Variants in RAPGEF1 observed in about 807,000 individuals in gnomAD.
The protein encoded by RAPGEF1 is CRK SH3-binding GNRP.
In RAPGEF1, 33 loss-of-function variants were observed where a neutral mutation model predicts 143.3. That is an observed-to-expected ratio of 0.23 (90% CI 0.17 to 0.31). The LOEUF is 0.31. Among genes scored for constraint, RAPGEF1 ranks in the 10% least tolerant of loss-of-function variants. The pLI is 1.00. For missense variants in RAPGEF1, 1,199 were observed against 1,645.4 expected (o/e 0.73, Z 4.69); for synonymous variants, 629 against 676.5 (o/e 0.93, Z 1.09).
intron 1 of RAPGEF1, among the ~76,000 whole-genome samples, chr9:131,668,741 G>A (rs1326697229): frequency 6.6e-6 from 1 of 152,194 alleles, no homozygotes; most frequent in Non-Finnish European, 1.5e-5. Flanking sequence ...ATGTGAATTA[G>A]TCATTTCTCA....
chr9:131,691,891 AT>A (rs1833807519), intron 1 of RAPGEF1, among the ~76,000 whole-genome samples: 1 of 152,168 alleles, frequency 6.6e-6, no homozygotes, highest in South Asian at 2.1e-4. Context: ...TTTTCCTTAT[AT>A]TAGCTTTCAG....
At chr9:131,630,167 T>G (rs1964448909) in intron 6 of RAPGEF1, 69 bp downstream of exon 6, 879 of 1,193,398 alleles carry the variant, frequency 7.4e-4, no homozygotes, top group Non-Finnish European at 9.9e-4. Context: ...CACCGGGCCC[T>G]ATCCTTGTCA....
rs745815815 is a variant in RAPGEF1 at position 131,580,398 on chromosome 9, G to A, written c.3513-7C>T. On this transcript the variant is annotated splice_polypyrimidine_tract_variant and splice_region_variant and intron_variant, in intron 25 of 26. Transcript: ENST00000683357. ...GTCCTGCAGGATCAGCCCCCTGGGA[G>A]GACGGGTTAGGCAGCCTGTTACTGC... 6.2e-7 allele frequency: 1 copy of A among 1,612,598 alleles called. No individual in the cohort carries two copies.
intron 12 of RAPGEF1, 95 bp downstream of exon 12, chr9:131,618,956 G>A (rs958381304): frequency 1.4e-5 from 16 of 1,134,192 alleles, no homozygotes; most frequent in Non-Finnish European, 1.5e-5. Context: ...GGCAGGGGCC[G>A]CGACGGGCAG....
At position 131,739,957 on chromosome 9, in the gene RAPGEF1, G is replaced by T; in HGVS notation, c.-127C>A. ...TCCGCGCGGCCGCGGCCCTGCGCTC[G>T]GCGACCGCGCTCCAGCCCGCCCGGG... On this transcript the variant is annotated 5_prime_UTR_variant, in exon 1 of 27. Coordinates refer to ENST00000683357, the MANE Select transcript of RAPGEF1 (RefSeq NM_001377935.1). The T allele has an allele frequency of 2.3e-6, 1 of 442,964 alleles. No homozygotes were observed. The highest frequency in any genetic ancestry group is 3.0e-6 in the Non-Finnish European group (1 of 337,964). The allele number at this position is 442,964 out of a possible 1,614,324, so 27.4% of individuals were successfully genotyped here. A position where few individuals can be genotyped will look rare whatever the true frequency, so the allele number is the denominator to read the frequency against.
At chr9:131,706,305 C>G (rs959696687) in intron 1 of RAPGEF1, among the ~76,000 whole-genome samples, 10 of 152,020 alleles carry the variant, frequency 6.6e-5, no homozygotes, top group Non-Finnish European at 1.0e-4. Flanking sequence ...CTCTGTCACC[C>G]AGGCTGGAGT....
chr9:131,727,865 T>C (rs899143404), intron 1 of RAPGEF1, among the ~76,000 whole-genome samples: 1 of 152,226 alleles, frequency 6.6e-6, no homozygotes, highest in Non-Finnish European at 1.5e-5. Flanking sequence ...TCTATGCCTT[T>C]GGTCTTCTGA....
At position 131,587,750 on chromosome 9, in the gene RAPGEF1, G is replaced by A; in HGVS notation, c.3219C>T (p.Asn1073=). ...PNLTQFTEHF[N]NMSYWVRSII... Reference sequence around the variant, plus strand: ...GCCTCTCTTACCAGTAGGACATGTTGTTGAAGTGCTCCGTGAACTGGGTCA... The same window carrying A: ...GCCTCTCTTACCAGTAGGACATGTTATTGAAGTGCTCCGTGAACTGGGTCA... Residue 1073 remains asparagine, a synonymous_variant, in exon 22 of 27, where the codon AAC becomes AAT. Transcript: ENST00000683357. 1 of 1,613,492 alleles carries A rather than the reference G, an allele frequency of 6.2e-7. No individual in the cohort carries two copies. The highest frequency in any genetic ancestry group is 8.5e-7 in the Non-Finnish European group (1 of 1,179,696).
intron 1 of RAPGEF1, among the ~76,000 whole-genome samples, chr9:131,703,138 A>T (rs549155630): frequency 6.6e-6 from 1 of 152,184 alleles, no homozygotes; most frequent in Non-Finnish European, 1.5e-5. Context: ...ATGCCACTGC[A>T]TGCGTGCCAC....
rs1972352335 is a variant in RAPGEF1, at chr9:131,655,905, G to T, written c.62-4956C>A. Among the ~76,000 whole-genome samples the T allele has an allele frequency of 6.6e-6, 1 of 151,694 alleles. No homozygotes were observed. The highest frequency in any genetic ancestry group is 1.5e-5 in the Non-Finnish European group (1 of 67,920). The stretch of plus-strand genomic sequence containing the variant: ...CCCGGCCAAAAAATTTTCTAAAAGG[G>T]GGGTGTGCACTGGAGTCAGAATGTT... On this transcript the variant is annotated intron_variant, in intron 1 of 26. Coordinates refer to ENST00000683357, the MANE Select transcript of RAPGEF1 (RefSeq NM_001377935.1). This position sits in a 1 kb window ranked among gnomAD's most constrained non-coding sequence, Gnocchi z 4.1.
intron 1 of RAPGEF1, among the ~76,000 whole-genome samples, chr9:131,674,820 C>T (rs1832023759): frequency 6.6e-6 from 1 of 152,190 alleles, no homozygotes; most frequent in Admixed American, 6.5e-5. Flanking sequence ...GAACAAGAAA[C>T]CCTGTGGAGG....
chr9:131,665,059 C>T (rs1327937195), intron 1 of RAPGEF1, among the ~76,000 whole-genome samples: 1 of 152,142 alleles, frequency 6.6e-6, no homozygotes, highest in African/African-American at 2.4e-5. Flanking sequence ...GAGCTGTCGG[C>T]ATATACACAG....
At chr9:131,625,495 A>G (rs1427091750) in intron 10 of RAPGEF1, among the ~76,000 whole-genome samples, 1 of 152,144 alleles carries the variant, frequency 6.6e-6, no homozygotes, top group East Asian at 1.9e-4. Context: ...TGCTCTAGAC[A>G]GGGATCCTTA....
chr9:131,736,004 C>T lies in RAPGEF1; in HGVS notation c.61+3766G>A, dbSNP rs567964817. 4.6e-5 allele frequency among the ~76,000 whole-genome samples: 7 copies of T among 152,270 alleles called. No individual in the cohort carries two copies. The East Asian group carries it at 1.2e-3, about 25-fold the overall frequency. On this transcript the variant is annotated intron_variant, in intron 1 of 26. Coordinates refer to ENST00000683357, the MANE Select transcript of RAPGEF1 (RefSeq NM_001377935.1). ...CTGTGCTTAAGCTCCAAAAACATGA[C>T]GGTATCAACTCTCCTCGCTCAATGT...
Position 131,592,201 on chromosome 9 carries a change from T to C in RAPGEF1, c.2690-18A>G, listed in dbSNP as rs763533796. ...CACCAAATCTAGAGGGAAAAAACAA[T>C]GCAAACTGCTTGTCTGGGTGCAGAG... On this transcript the variant is annotated intron_variant, in intron 17 of 26. Transcript: ENST00000683357. 1.3e-6 allele frequency: 2 copies of C among 1,567,668 alleles called. No homozygotes were observed. Among genetic ancestry groups the C allele is most frequent in the Non-Finnish European group, 8.8e-7 (1 of 1,138,778 alleles).
chr9:131,578,884 GGCT>G lies in RAPGEF1; in HGVS notation c.*610_*612del, dbSNP rs1951471403. The G allele has an allele frequency of 1.3e-5, 2 of 152,578 alleles. No homozygotes were observed. Among genetic ancestry groups the G allele is most frequent in the Admixed American group, 6.5e-5 (1 of 15,306 alleles). The allele number at this position is 152,578 out of a possible 1,614,324, so 9.5% of individuals were successfully genotyped here. Reference sequence around the variant, plus strand: ...CCGCGGGGCAGAGCACCAGCTGCGGGGCTGCTAAGGCGTCACCTGCGTACCTTT... The same window carrying G: ...CCGCGGGGCAGAGCACCAGCTGCGGGGCTAAGGCGTCACCTGCGTACCTTT... On this transcript the variant is annotated 3_prime_UTR_variant, in exon 27 of 27. Coordinates refer to ENST00000683357, the MANE Select transcript of RAPGEF1 (RefSeq NM_001377935.1).
chr9:131,665,700 G>A (rs1039617820), intron 1 of RAPGEF1, among the ~76,000 whole-genome samples: 16 of 151,996 alleles, frequency 1.1e-4, no homozygotes, highest in African/African-American at 2.7e-4. Context: ...CCTGTTCTCC[G>A]ATGTCCCCCA....
chr9:131,665,977 G>C (rs1830363695), intron 1 of RAPGEF1, among the ~76,000 whole-genome samples: 1 of 152,104 alleles, frequency 6.6e-6, no homozygotes, highest in South Asian at 2.1e-4. Context: ...CATTCATTTT[G>C]GAATCTGGCA....
rs1409066253 is a variant in RAPGEF1 at position 131,675,423 on chromosome 9, T to C, written c.62-24474A>G. On this transcript the variant is annotated intron_variant, in intron 1 of 26. Coordinates refer to ENST00000683357, the MANE Select transcript of RAPGEF1 (RefSeq NM_001377935.1). This position sits in a 1 kb window ranked among gnomAD's most constrained non-coding sequence, Gnocchi z 4.6. ...CGTGCCGTCCACAGGGTTCACCATG[T>C]GTTTTTTTCTTCACCGGCCATGAGA... 1.3e-5 allele frequency among the ~76,000 whole-genome samples: 2 copies of C among 152,208 alleles called. No homozygotes were observed. Among genetic ancestry groups the C allele is most frequent in the African/African-American group, 4.8e-5 (2 of 41,450 alleles).
Sources: gnomAD v4.1 joint callset for allele counts (sites outside exome capture counted in the v4.1 genomes callset) on GRCh38, gnomAD v4.1.1 for gene constraint, Gnocchi (gnomAD v3.1) non-coding constraint, MANE v1.5 for transcripts, NCBI Gene and HGNC (gene_info 2026-07-23, HGNC 2026-07-21) for gene names.